METAP2: variants seen among roughly 807,000 people sequenced by gnomAD.
METAP2 encodes the protein methionine aminopeptidase 2.
A neutral mutation model predicts 59.4 loss-of-function variants in METAP2; 25 were observed. The observed-to-expected ratio is 0.42, with a 90% CI of 0.31 to 0.59. The LOEUF is 0.59. METAP2 is among the 20% of genes least tolerant of loss of function. The pLI is 0.16. For missense variants in METAP2, 366 were observed against 581.2 expected, an observed-to-expected ratio of 0.63 and a Z score of 3.81; for synonymous variants, 214 against 194.1, an observed-to-expected ratio of 1.10 and a Z score of -0.85.
In METAP2 at chr12:95,477,252, C is replaced by T. The variant is rs189875196; in HGVS notation, c.259+1074C>T. On this transcript the variant is annotated intron_variant, in intron 2 of 10. Transcript: ENST00000323666. ...AGCTGGGATTACAGGCGCCTGCCAC[C>T]ATGCCCAACTAATTTTTTTGTATCT... is the stretch of plus-strand genomic sequence containing the variant. Among the ~76,000 whole-genome samples the T allele has an allele frequency of 3.3e-3, 495 of 152,096 alleles. 2 individuals are homozygous for T. The highest frequency in any genetic ancestry group is 0.012 in the African/African-American group (479 of 41,518).
Position 95,489,750 on chromosome 12 carries a change from A to G in METAP2, c.428+3769A>G, listed in dbSNP as rs1027503291. 8.5e-5 allele frequency among the ~76,000 whole-genome samples: 13 copies of G among 152,318 alleles called. No individual in the cohort carries two copies. The East Asian group carries it at 1.5e-3, about 18-fold the overall frequency. On this transcript the variant is annotated intron_variant, in intron 4 of 10. Transcript: ENST00000323666. Reference sequence around the variant, plus strand: ...CTACTTGGGAGGCTGAAGCAGGAGAATCTCTTGAACCTGGGAGGCGGAGGT... The same window carrying G: ...CTACTTGGGAGGCTGAAGCAGGAGAGTCTCTTGAACCTGGGAGGCGGAGGT...
At chr12:95,478,829 A>G (rs1415102542) in intron 2 of METAP2, among the ~76,000 whole-genome samples, 1 of 152,184 alleles carries the variant, frequency 6.6e-6, no homozygotes, top group Non-Finnish European at 1.5e-5. Flanking sequence ...GGGTTGGGGT[A>G]ATGCTGAGAA....
At chr12:95,495,267 G>C in intron 6 of METAP2, 129 bp downstream of exon 6, 1 of 735,116 alleles carries the variant, frequency 1.4e-6, no homozygotes, top group Non-Finnish European at 2.1e-6. Flanking sequence ...TAGGAAAGGT[G>C]TGTTGAGGCA....
chr12:95,514,198 A>G lies in METAP2; in HGVS notation c.*294A>G, dbSNP rs1357887445. On this transcript the variant is annotated 3_prime_UTR_variant, in exon 11 of 11. Coordinates refer to ENST00000323666, the MANE Select transcript of METAP2 (RefSeq NM_006838.4). ...ATACGTTTTGTTTTGAATACCTAAGAGATACTTTTTGGATATTTATATTGC... is the reference window on the plus strand; with the variant it reads ...ATACGTTTTGTTTTGAATACCTAAGGGATACTTTTTGGATATTTATATTGC... 1 of 340,978 alleles carries G rather than the reference A, an allele frequency of 2.9e-6. No individual in the cohort carries two copies. The highest frequency in any genetic ancestry group is 5.3e-6 in the Non-Finnish European group (1 of 190,238). The allele number at this position is 340,978 out of a possible 1,614,324, so 21.1% of individuals were successfully genotyped here. A position where few individuals can be genotyped will look rare whatever the true frequency, so the allele number is the denominator to read the frequency against.
intron 2 of METAP2, chr12:95,482,238 A>G (rs1212448952): frequency 2.3e-6 from 1 of 436,678 alleles, no homozygotes; most frequent in Admixed American, 2.5e-5. Flanking sequence ...CAGCTTTCCA[A>G]GTAACTGGGA....
At chr12:95,503,571 C>T (rs754801319) in intron 7 of METAP2, among the ~76,000 whole-genome samples, 2 of 152,124 alleles carry the variant, frequency 1.3e-5, no homozygotes, top group African/African-American at 4.8e-5. Flanking sequence ...TCTGTATCTG[C>T]GCCTATGTGA....
chr12:95,479,800 G>A (rs1182872800), intron 2 of METAP2, among the ~76,000 whole-genome samples: 3 of 152,030 alleles, frequency 2.0e-5, no homozygotes, highest in African/African-American at 7.2e-5. Context: ...GTAGAGACAG[G>A]GTTTCACCAT....
chr12:95,486,017 G>A (rs1204563797), intron 4 of METAP2, 36 bp downstream of exon 4: 1 of 1,371,858 alleles, frequency 7.3e-7, no homozygotes, highest in African/African-American at 1.5e-5. Flanking sequence ...TTTAATTTCT[G>A]ACAGTTATAG....
chr12:95,503,720 T>C (rs1368690473), intron 7 of METAP2, among the ~76,000 whole-genome samples: 2 of 152,222 alleles, frequency 1.3e-5, no homozygotes, highest in African/African-American at 4.8e-5. Context: ...GAACGGTATG[T>C]AGCAGTGCTG....
At position 95,513,889 on chromosome 12, in the gene METAP2, A is replaced by T. The variant is rs747127500; in HGVS notation, c.1422A>T (p.Arg474Ser). 19 of 1,613,624 alleles carry T rather than the reference A, an allele frequency of 1.2e-5. No homozygotes were observed. The Admixed American group carries it at 3.0e-4, about 25-fold the overall frequency. Residue 474 changes from arginine (R) to serine (S), a missense_variant, in exon 11 of 11, where the codon AGA (arginine) becomes AGT (serine). Transcript: ENST00000323666. ...CAACATGTAAAGAAGTTGTCAGCAG[A>T]GGAGATGACTATTAAACTTAGTCCA... ...LRPTCKEVVS[R>S]GDDY is the part of the protein sequence containing the mutation.
chr12:95,489,514 T>C (rs559183365), intron 4 of METAP2, among the ~76,000 whole-genome samples: 1 of 152,358 alleles, frequency 6.6e-6, no homozygotes, highest in East Asian at 1.9e-4. Context: ...TAACCAGTTT[T>C]GACTATTTGC....
intron 2 of METAP2, among the ~76,000 whole-genome samples, chr12:95,480,386 A>G (rs938265217): frequency 6.6e-5 from 10 of 152,220 alleles, no homozygotes; most frequent in Non-Finnish European, 1.0e-4. Flanking sequence ...CTCTTGAGTA[A>G]ATAGGACTGG....
At position 95,477,603 on chromosome 12, in the gene METAP2, C is replaced by T. The variant is rs538007634; in HGVS notation, c.259+1425C>T. ...TAAGAAAACTTAACTTTTTTCCAGC[C>T]TCTTTTGGCGGAGGAAAAATGGGGC... On this transcript the variant is annotated intron_variant, in intron 2 of 10. Transcript: ENST00000323666. Among the ~76,000 whole-genome samples, 6 of 152,222 alleles carry T rather than the reference C, an allele frequency of 3.9e-5. No homozygotes were observed. The East Asian group carries it at 1.2e-3, about 29-fold the overall frequency.
intron 4 of METAP2, among the ~76,000 whole-genome samples, chr12:95,492,142 GTGTGTGTGTGTGTATGTATA>G (rs997446464): frequency 6.6e-6 from 1 of 151,614 alleles, no homozygotes; most frequent in Non-Finnish European, 1.5e-5. Context: ...TTGTGTGTGT[GTGTGTGTGTGTGTATGTATA>G]TGTGTGTGTA....
intron 3 of METAP2, among the ~76,000 whole-genome samples, chr12:95,485,328 G>T (rs2076188157): frequency 6.6e-6 from 1 of 152,008 alleles, no homozygotes; most frequent in Admixed American, 6.5e-5. Flanking sequence ...TGTAATTTAT[G>T]CACAATATAA....
rs2076116462 is a variant in METAP2 at position 95,476,142 on chromosome 12, G to T, written c.223G>T (p.Ala75Ser). ...AGTAGCAAGACAGTTGGAAAGATCA[G>T]CATTGGAAGATAAAGAAAGAGATGA... ...DEVARQLERS[A>S]LEDKERDEDD... Residue 75 changes from alanine (A) to serine (S), a missense_variant, in exon 2 of 11, where the codon GCA (alanine) becomes TCA (serine). Ala to Ser is a moderately conservative substitution (Grantham distance 99, BLOSUM62 1). Coordinates refer to ENST00000323666, the MANE Select transcript of METAP2 (RefSeq NM_006838.4). 3 of 1,610,800 alleles carry T rather than the reference G, an allele frequency of 1.9e-6. No homozygotes were observed. Among genetic ancestry groups the T allele is most frequent in the South Asian group, 1.1e-5 (1 of 90,488 alleles).
chr12:95,486,941 TG>T (rs1344816968), intron 4 of METAP2, among the ~76,000 whole-genome samples: 1 of 152,240 alleles, frequency 6.6e-6, no homozygotes, highest in Non-Finnish European at 1.5e-5. Context: ...GAAGACATAT[TG>T]AGAGCATGGA....
intron 8 of METAP2, among the ~76,000 whole-genome samples, chr12:95,508,740 A>G (rs1282975224): frequency 1.3e-5 from 2 of 152,118 alleles, no homozygotes; most frequent in African/African-American, 4.8e-5. Context: ...GTTTGACTTA[A>G]TGTTTTAGTC....
intron 4 of METAP2, among the ~76,000 whole-genome samples, chr12:95,490,996 A>G (rs1265870724): frequency 6.6e-6 from 1 of 151,974 alleles, no homozygotes; most frequent in Non-Finnish European, 1.5e-5. Flanking sequence ...ACATTGTACC[A>G]TATTCTGCTA....
Sources: allele counts gnomAD v4.1 joint callset (sites outside exome capture counted in the v4.1 genomes callset), GRCh38; gene constraint gnomAD v4.1.1; transcripts MANE v1.5; gene names NCBI Gene and HGNC (gene_info 2026-07-23, HGNC 2026-07-21).